The following PDGFD variants were observed in gnomAD, a reference collection of about 807,000 sequenced individuals.
PDGFD encodes the protein platelet derived growth factor D, also known as platelet-derived growth factor D.
In PDGFD, 30 loss-of-function variants were observed where a neutral mutation model predicts 44.7. That is an observed-to-expected ratio of 0.67 (90% CI 0.50 to 0.91). The LOEUF (loss-of-function observed/expected upper bound fraction) is 0.91. Ranked by LOEUF, PDGFD falls within the 40% of genes least tolerant of loss-of-function variation. PDGFD has a pLI of 0.00. For synonymous variants in PDGFD, 173 were observed against 168.4 expected, an observed-to-expected ratio of 1.03 and a Z score of -0.21; for missense variants, 445 against 457.8, an observed-to-expected ratio of 0.97 and a Z score of 0.25.
Position 104,163,975 on chromosome 11 carries a change from T to C in PDGFD, c.-48A>G, listed in dbSNP as rs1443038318. The C allele has an allele frequency of 6.7e-7, 1 of 1,485,370 alleles. No homozygotes were observed. Among genetic ancestry groups the C allele is most frequent in the East Asian group, 2.4e-5 (1 of 41,794 alleles). The allele number at this position is 1,485,370 out of a possible 1,614,324, so 92.0% of individuals were successfully genotyped here. A position where few individuals can be genotyped will look rare whatever the true frequency, so the allele number is the denominator to read the frequency against. On this transcript the variant is annotated 5_prime_UTR_variant, in exon 1 of 7. Coordinates refer to ENST00000393158, the MANE Select transcript of PDGFD (RefSeq NM_025208.5). ...GCGTCGCTCCAAGAAAAAGCCGGGT[T>C]CTGCTCCCGGGACCGACGCCGCGCC...
At chr11:104,041,411 G>A (rs1362704112) in intron 1 of PDGFD, among the ~76,000 whole-genome samples, 4 of 147,134 alleles carry the variant, frequency 2.7e-5, no homozygotes, top group South Asian at 4.1e-4. Context: ...CACTGATGCT[G>A]CAACAAAAAT....
chr11:104,049,116 C>G (rs1478197812), intron 1 of PDGFD, among the ~76,000 whole-genome samples: 1 of 152,076 alleles, frequency 6.6e-6, no homozygotes, highest in Non-Finnish European at 1.5e-5. Flanking sequence ...CTCTCATTAA[C>G]AGCAAATAAA....
chr11:103,942,242 ACC>A (rs1488097467), intron 5 of PDGFD, among the ~76,000 whole-genome samples: 2 of 152,238 alleles, frequency 1.3e-5, no homozygotes, highest in East Asian at 3.9e-4. Flanking sequence ...TACAATGCAA[ACC>A]AGCCTTTCGA....
At chr11:104,091,399 C>T (rs921907738) in intron 1 of PDGFD, among the ~76,000 whole-genome samples, 27 of 152,110 alleles carry the variant, frequency 1.8e-4, no homozygotes, top group African/African-American at 6.5e-4. Context: ...AGTCCTGCAG[C>T]CCTTCTCTCT....
intron 1 of PDGFD, among the ~76,000 whole-genome samples, chr11:104,001,911 A>T (rs1357442343): frequency 6.6e-6 from 1 of 152,204 alleles, no homozygotes; most frequent in South Asian, 2.1e-4. Flanking sequence ...TCTCTTTTGC[A>T]AGTGATTTTG....
At chr11:103,928,301 C>A (rs1858348606) in intron 5 of PDGFD, among the ~76,000 whole-genome samples, 1 of 152,208 alleles carries the variant, frequency 6.6e-6, no homozygotes, top group Admixed American at 6.5e-5. Context: ...CTGCACAGAA[C>A]CCACCACCCT....
chr11:104,102,559 C>T (rs1248024160), intron 1 of PDGFD, among the ~76,000 whole-genome samples: 7 of 152,066 alleles, frequency 4.6e-5, no homozygotes, highest in Admixed American at 3.3e-4. Flanking sequence ...ACCATTTGAC[C>T]CAGCCATTCC....
chr11:104,036,749 C>A, intron 1 of PDGFD: 3 of 1,220,790 alleles, frequency 2.5e-6, no homozygotes, highest in East Asian at 2.3e-5. Flanking sequence ...GCGGCACCAA[C>A]GACGCAGGCC....
rs1862431875 is a variant in PDGFD at position 104,164,038 on chromosome 11, G to T, written c.-111C>A. On this transcript the variant is annotated 5_prime_UTR_variant, in exon 1 of 7. Coordinates refer to ENST00000393158, the MANE Select transcript of PDGFD (RefSeq NM_025208.5). Reference sequence around the variant, plus strand: ...CGCCGCCTGCGCTCGCCCTGCGCTGGCCCGGGTCGCTGTGCTAATCGCCGA... The same window carrying T: ...CGCCGCCTGCGCTCGCCCTGCGCTGTCCCGGGTCGCTGTGCTAATCGCCGA... 1.6e-6 allele frequency: 2 copies of T among 1,253,460 alleles called. No homozygotes were observed. The highest frequency in any genetic ancestry group is 2.1e-6 in the Non-Finnish European group (2 of 941,972). 77.6% of individuals were successfully genotyped at this position (1,253,460 alleles called of 1,614,324 possible).
intron 1 of PDGFD, among the ~76,000 whole-genome samples, chr11:104,148,826 T>C (rs1344281766): frequency 6.6e-6 from 1 of 152,154 alleles, no homozygotes; most frequent in Non-Finnish European, 1.5e-5. Flanking sequence ...CTTACACTTA[T>C]AAGTAAGAAC....
At chr11:103,913,092 T>G (rs1037556628) in intron 6 of PDGFD, among the ~76,000 whole-genome samples, 1 of 152,062 alleles carries the variant, frequency 6.6e-6, no homozygotes, top group Non-Finnish European at 1.5e-5. Flanking sequence ...GGCAGATCAA[T>G]GAGACAGAAA....
chr11:104,039,727 A>G (rs1045734909), intron 1 of PDGFD, among the ~76,000 whole-genome samples: 10 of 152,178 alleles, frequency 6.6e-5, no homozygotes, highest in Admixed American at 2.0e-4. Flanking sequence ...GATAAGCAAA[A>G]TGCTTATGAA....
chr11:104,099,585 T>C (rs1285570135), intron 1 of PDGFD, among the ~76,000 whole-genome samples: 1 of 151,002 alleles, frequency 6.6e-6, no homozygotes, highest in Non-Finnish European at 1.5e-5. Context: ...TGAGCCCAGA[T>C]TGCACCACTA....
intron 5 of PDGFD, among the ~76,000 whole-genome samples, chr11:103,929,396 C>T (rs745850190): frequency 9.9e-5 from 15 of 152,040 alleles, no homozygotes; most frequent in Non-Finnish European, 2.1e-4. Context: ...CAGAAGACAC[C>T]CAAGCCAAAG....
intron 1 of PDGFD, among the ~76,000 whole-genome samples, chr11:104,001,159 A>C (rs1260117781): frequency 1.3e-5 from 2 of 152,202 alleles, no homozygotes; most frequent in Non-Finnish European, 1.5e-5. Flanking sequence ...CGGATTGAAG[A>C]TTGAGTCCAC....
At chr11:104,113,337 G>C (rs1004952309) in intron 1 of PDGFD, among the ~76,000 whole-genome samples, 2 of 152,230 alleles carry the variant, frequency 1.3e-5, no homozygotes, top group African/African-American at 4.8e-5. Context: ...TGGCAAGGAT[G>C]GGGGAGGGGA....
At chr11:104,036,610 C>T in intron 1 of PDGFD, 1 of 590,580 alleles carries the variant, frequency 1.7e-6, no homozygotes. Flanking sequence ...AACGTGCTAC[C>T]TCAAGGCTCC....
chr11:104,089,196 C>T (rs919230129), intron 1 of PDGFD, among the ~76,000 whole-genome samples: 7 of 152,046 alleles, frequency 4.6e-5, no homozygotes, highest in Non-Finnish European at 7.4e-5. Context: ...AATATTGAAA[C>T]AATTTGGATA....
intron 1 of PDGFD, among the ~76,000 whole-genome samples, chr11:104,143,532 A>C (rs1355306215): frequency 6.6e-6 from 1 of 152,178 alleles, no homozygotes; most frequent in African/African-American, 2.4e-5. Context: ...GGGTAACCCA[A>C]GCTCTTTGGG....
Sources: gnomAD v4.1 joint callset for allele counts (sites outside exome capture counted in the v4.1 genomes callset) on GRCh38, gnomAD v4.1.1 for gene constraint, MANE v1.5 for transcripts, NCBI Gene and HGNC (gene_info 2026-07-23, HGNC 2026-07-21) for gene names.